SMC5: variants seen among roughly 807,000 people sequenced by gnomAD.
SMC5 encodes the protein structural maintenance of chromosomes protein 5.
In SMC5, 88 loss-of-function variants were observed where a neutral mutation model predicts 148.3. The ratio of observed to expected loss-of-function variants is 0.59; its 90% CI spans 0.50 to 0.71. SMC5 has a LOEUF of 0.71. Ranked by LOEUF, SMC5 falls within the 30% of genes least tolerant of loss-of-function variation. The pLI is 0.00. For missense variants in SMC5, 1,142 were observed against 1,298.9 expected (o/e 0.88, Z 1.86); for synonymous variants, 421 against 432.8 (o/e 0.97, Z 0.34).
Position 70,326,765 on chromosome 9 carries a change from C to T in SMC5, c.2397+2622C>T, listed in dbSNP as rs1167240608. On this transcript the variant is annotated intron_variant, in intron 17 of 24. Coordinates refer to ENST00000361138, the MANE Select transcript of SMC5 (RefSeq NM_015110.4). ...CAAGCTTAGTAAAAGCACAGTGAAA[C>T]AAATGCATCTAACTTTGTTTTGAGT... Among the ~76,000 whole-genome samples the T allele has an allele frequency of 2.6e-5, 4 of 151,510 alleles. No individual in the cohort carries two copies. The South Asian group carries it at 6.2e-4, about 24-fold the overall frequency.
intron 18 of SMC5, chr9:70,346,342 A>G (rs1330974618): frequency 1.1e-5 from 5 of 461,592 alleles, no homozygotes; most frequent in Non-Finnish European, 1.9e-5. Context: ...TTCAGGATTC[A>G]TTTTGTACCA....
rs769297728 is a variant in SMC5 at position 70,267,978 on chromosome 9, A to G, written c.380+3A>G. Reference sequence around the variant, plus strand: ...AGAGGCATGGTTGAAATTGAATTGTAAGTGTTAAAAGTGCTAAAACTCCTT... The same window carrying G: ...AGAGGCATGGTTGAAATTGAATTGTGAGTGTTAAAAGTGCTAAAACTCCTT... On this transcript the variant is annotated splice_donor_region_variant and intron_variant, in intron 3 of 24. Transcript: ENST00000361138. 3.7e-6 allele frequency: 6 copies of G among 1,606,942 alleles called. No homozygotes were observed. In the Admixed American group the frequency reaches 6.8e-5, roughly 18 times the overall value.
intron 15 of SMC5, among the ~76,000 whole-genome samples, chr9:70,319,323 G>A (rs560709516): frequency 3.9e-4 from 60 of 152,162 alleles, no homozygotes; most frequent in African/African-American, 1.2e-3. Flanking sequence ...TGGAGATGGG[G>A]CAGTAATTCA....
chr9:70,266,134 C>A (rs2034285798), intron 2 of SMC5, among the ~76,000 whole-genome samples: 1 of 151,738 alleles, frequency 6.6e-6, no homozygotes, highest in African/African-American at 2.4e-5. Flanking sequence ...AAAATGGACA[C>A]CACGTAGACC....
At chr9:70,346,175 C>T (rs561800188) in intron 18 of SMC5, among the ~76,000 whole-genome samples, 58 of 152,098 alleles carry the variant, frequency 3.8e-4, no homozygotes, top group African/African-American at 1.3e-3. Context: ...GTGAGGATAT[C>T]GAGTAAATAA....
At chr9:70,315,933 AT>A (rs1313475759) in intron 13 of SMC5, among the ~76,000 whole-genome samples, 1 of 152,124 alleles carries the variant, frequency 6.6e-6, no homozygotes, top group African/African-American at 2.4e-5. Context: ...TTAAATTATT[AT>A]ATTTGAGATT....
At chr9:70,300,286 A>T (rs1018868605) in intron 10 of SMC5, 86 bp downstream of exon 10, 4 of 1,251,948 alleles carry the variant, frequency 3.2e-6, no homozygotes, top group Non-Finnish European at 4.4e-6. Flanking sequence ...TCCCAATATT[A>T]CCCTGGTTTT....
At chr9:70,295,582 T>C (rs1046301071) in intron 8 of SMC5, among the ~76,000 whole-genome samples, 1 of 152,164 alleles carries the variant, frequency 6.6e-6, no homozygotes, top group Admixed American at 6.5e-5. Context: ...TTAGACTTAC[T>C]GTACCTGAGC....
intron 2 of SMC5, among the ~76,000 whole-genome samples, 171 bp from the exon 3 acceptor site, chr9:70,267,752 A>G (rs1404059038): frequency 6.6e-6 from 1 of 152,156 alleles, no homozygotes; most frequent in African/African-American, 2.4e-5. Context: ...GTGGGAGGGA[A>G]CAATGGAGGA....
chr9:70,284,902 T>A (rs1373090434), intron 7 of SMC5, among the ~76,000 whole-genome samples: 4 of 151,938 alleles, frequency 2.6e-5, no homozygotes, highest in Admixed American at 1.3e-4. Context: ...TTTTTTTTTT[T>A]AATTCCAGGC....
At chr9:70,262,925 C>T (rs2034178218) in intron 1 of SMC5, among the ~76,000 whole-genome samples, 1 of 151,098 alleles carries the variant, frequency 6.6e-6, no homozygotes, top group Admixed American at 6.6e-5. Context: ...ATCTGGGTAG[C>T]TAAAGGCAAG....
At chr9:70,281,020 G>T in intron 6 of SMC5, 121 bp downstream of exon 6, 1 of 1,031,866 alleles carries the variant, frequency 9.7e-7, no homozygotes. Flanking sequence ...GGCTTTATAT[G>T]TTATACATAA....
At chr9:70,284,239 A>G (rs2034835711) in intron 7 of SMC5, among the ~76,000 whole-genome samples, 1 of 152,234 alleles carries the variant, frequency 6.6e-6, no homozygotes, top group African/African-American at 2.4e-5. Flanking sequence ...CCAAAAAATT[A>G]AACAGTTACT....
At chr9:70,288,300 G>A (rs2034963281) in intron 8 of SMC5, among the ~76,000 whole-genome samples, 1 of 151,804 alleles carries the variant, frequency 6.6e-6, no homozygotes, top group Admixed American at 6.6e-5. Context: ...ATGCAGACCT[G>A]GTAAATAATT....
At chr9:70,314,861 T>A in intron 12 of SMC5, 25 bp downstream of exon 12, 1 of 1,215,588 alleles carries the variant, frequency 8.2e-7, no homozygotes, top group Non-Finnish European at 1.2e-6. Flanking sequence ...TACTAAGATT[T>A]ATTTAAATAT....
At chr9:70,337,948 AC>A (rs2118768060) in intron 17 of SMC5, among the ~76,000 whole-genome samples, 1 of 152,198 alleles carries the variant, frequency 6.6e-6, no homozygotes, top group Non-Finnish European at 1.5e-5. Flanking sequence ...ACAAATAGCC[AC>A]CATAACTCGT....
At chr9:70,268,211 C>T (rs1305539613) in intron 3 of SMC5, among the ~76,000 whole-genome samples, 9 of 152,008 alleles carry the variant, frequency 5.9e-5, no homozygotes, top group Non-Finnish European at 1.0e-4. Flanking sequence ...TTGGGGAGGC[C>T]GAGGTGGGCA....
rs2035717939 is a variant in SMC5, at chr9:70,313,612, C to T, written c.1579-1130C>T. ...TCCTGAGTTCAAGCAATTCTCCTGC[C>T]TCAACCTCCCAAGTAGCTGAGATTA... is the stretch of plus-strand genomic sequence containing the variant. On this transcript the variant is annotated intron_variant, in intron 11 of 24. Coordinates refer to ENST00000361138, the MANE Select transcript of SMC5 (RefSeq NM_015110.4). Among the ~76,000 whole-genome samples, 2 of 152,106 alleles carry T rather than the reference C, an allele frequency of 1.3e-5. 1 individual carries two copies. Among genetic ancestry groups the T allele is most frequent in the South Asian group, 4.1e-4 (2 of 4,834 alleles).
intron 17 of SMC5, among the ~76,000 whole-genome samples, chr9:70,334,096 A>C (rs1430237134): frequency 6.6e-6 from 1 of 151,864 alleles, no homozygotes; most frequent in Non-Finnish European, 1.5e-5. Context: ...ATAGAGACTC[A>C]AGACATCCAC....
Sources: allele counts gnomAD v4.1 joint callset (sites outside exome capture counted in the v4.1 genomes callset), GRCh38; gene constraint gnomAD v4.1.1; transcripts MANE v1.5; gene names NCBI Gene and HGNC (gene_info 2026-07-23, HGNC 2026-07-21).